SMAD3: variants seen among roughly 807,000 people sequenced by gnomAD.
SMAD3 encodes MAD homolog 3.
SMAD3 carries 12 observed loss-of-function variants against 51.8 expected under a neutral mutation model. The observed-to-expected ratio is 0.23, with a 90% CI of 0.15 to 0.38. The LOEUF (loss-of-function observed/expected upper bound fraction) is 0.38. SMAD3 is among the 10% of genes least tolerant of loss of function. The pLI, the probability that SMAD3 is intolerant of heterozygous loss-of-function variation, is 1.00. For missense variants in SMAD3, 294 were observed against 565.6 expected, an observed-to-expected ratio of 0.52 and a Z score of 4.87; for synonymous variants, 238 against 227.7, an observed-to-expected ratio of 1.05 and a Z score of -0.41.
chr15:67,089,247 A>T (rs140497934), intron 1 of SMAD3, among the ~76,000 whole-genome samples: 9 of 152,324 alleles, frequency 5.9e-5, no homozygotes, highest in Non-Finnish European at 1.2e-4. Context: ...TCTGCCTGCC[A>T]GATGACCCTT....
At chr15:67,166,266 GA>G (rs1962586319) in intron 3 of SMAD3, 1 of 652,238 alleles carries the variant, frequency 1.5e-6, no homozygotes, top group African/African-American at 1.9e-5. Context: ...AGGTTTCAGA[GA>G]AATAGATCAC....
At chr15:67,088,271 C>T (rs12907997) in intron 1 of SMAD3, among the ~76,000 whole-genome samples, 65,532 of 151,984 alleles carry the variant, frequency 0.43, 14,918 homozygotes, top group South Asian at 0.65. Context: ...ACGGCTTTCC[C>T]GATAGACTTG....
intron 1 of SMAD3, among the ~76,000 whole-genome samples, chr15:67,159,383 G>A (rs10152987): frequency 0.19 from 29,327 of 152,096 alleles, 3,525 homozygotes; most frequent in Non-Finnish European, 0.28. Flanking sequence ...TGTTTTAGAT[G>A]AAAAATATTA....
intron 1 of SMAD3, among the ~76,000 whole-genome samples, chr15:67,067,376 G>A (rs1270472930): frequency 6.6e-6 from 1 of 152,180 alleles, no homozygotes; most frequent in Non-Finnish European, 1.5e-5. Flanking sequence ...CTGGGAACTG[G>A]GGGTGCGGGT....
At chr15:67,103,533 T>G (rs1225276036) in intron 1 of SMAD3, among the ~76,000 whole-genome samples, 1 of 152,222 alleles carries the variant, frequency 6.6e-6, no homozygotes, top group African/African-American at 2.4e-5. Context: ...GGGTAGGCGC[T>G]GTGCTGGTGT....
intron 1 of SMAD3, among the ~76,000 whole-genome samples, chr15:67,091,381 C>T (rs1370343970): frequency 6.6e-6 from 1 of 152,184 alleles, no homozygotes; most frequent in Non-Finnish European, 1.5e-5. Flanking sequence ...CCTGCCCTTC[C>T]GCAGTGGCTA....
intron 1 of SMAD3, chr15:67,126,002 TG>T (rs879376221): frequency 4.1e-6 from 4 of 984,860 alleles, no homozygotes; most frequent in Non-Finnish European, 4.8e-6. Flanking sequence ...TTATCTTATT[TG>T]GCAGGGTGGG....
chr15:67,090,506 T>G (rs141177232), intron 1 of SMAD3, among the ~76,000 whole-genome samples: 2,241 of 152,030 alleles, frequency 0.015, 30 homozygotes, highest in Non-Finnish European at 0.022. Flanking sequence ...GCGCAAGTCA[T>G]TTGTTGGGAA....
rs896980550 is a variant in SMAD3 at position 67,066,135 on chromosome 15, C to A, written c.-20C>A. On this transcript the variant is annotated 5_prime_UTR_variant, in exon 1 of 9. Coordinates refer to ENST00000327367, the MANE Select transcript of SMAD3 (RefSeq NM_005902.4). ...GCCCCGCCGGGGGCGCTCCTCGCCG[C>A]CCGCGCGCCCTCCCCAGCCATGTCG... 1.3e-6 allele frequency: 2 copies of A among 1,562,276 alleles called. No individual in the cohort carries two copies. Among genetic ancestry groups the A allele is most frequent in the Admixed American group, 1.9e-5 (1 of 53,110 alleles).
chr15:67,139,162 C>T (rs1418881903), intron 1 of SMAD3, among the ~76,000 whole-genome samples: 1 of 152,182 alleles, frequency 6.6e-6, no homozygotes. Flanking sequence ...GTTCTGTGCT[C>T]ACTGTGGAAA....
chr15:67,147,135 T>C (rs536368526), intron 1 of SMAD3, among the ~76,000 whole-genome samples: 1 of 152,176 alleles, frequency 6.6e-6, no homozygotes, highest in East Asian at 1.9e-4. Flanking sequence ...GCCCCAGTGA[T>C]GTGTGGTGTT....
At chr15:67,123,425 G>C (rs1206285310) in intron 1 of SMAD3, among the ~76,000 whole-genome samples, 1 of 152,210 alleles carries the variant, frequency 6.6e-6, no homozygotes, top group Non-Finnish European at 1.5e-5. Flanking sequence ...CTTGAACCCA[G>C]GAGGAGGAGT....
At chr15:67,099,279 A>G (rs1266082206) in intron 1 of SMAD3, among the ~76,000 whole-genome samples, 2 of 152,208 alleles carry the variant, frequency 1.3e-5, no homozygotes, top group East Asian at 3.8e-4. Context: ...CTGTCCTCCA[A>G]AGTTGGAGCC....
At chr15:67,104,088 C>A (rs995583672) in intron 1 of SMAD3, among the ~76,000 whole-genome samples, 1 of 152,154 alleles carries the variant, frequency 6.6e-6, no homozygotes, top group Non-Finnish European at 1.5e-5. Flanking sequence ...GTTGTGGCAG[C>A]GCTCAAAGGC....
chr15:67,130,589 C>T (rs1961501025), intron 1 of SMAD3, among the ~76,000 whole-genome samples: 1 of 152,086 alleles, frequency 6.6e-6, no homozygotes. Flanking sequence ...CCTGAAACAT[C>T]CCCCCCAACC....
At chr15:67,131,194 C>T (rs549475341) in intron 1 of SMAD3, among the ~76,000 whole-genome samples, 16 of 152,308 alleles carry the variant, frequency 1.1e-4, no homozygotes, top group African/African-American at 2.9e-4. Flanking sequence ...CCCGCGGCTT[C>T]GCATGTGTAA....
In SMAD3 at chr15:67,194,861, A is replaced by G. The variant is rs1963462031; in HGVS notation, c.*4325A>G. The G allele has an allele frequency of 4.3e-6, 1 of 233,358 alleles. No homozygotes were observed. The highest frequency in any genetic ancestry group is 2.2e-5 in the African/African-American group (1 of 45,340). 14.5% of individuals were successfully genotyped at this position (233,358 alleles called of 1,614,324 possible). On this transcript the variant is annotated 3_prime_UTR_variant, in exon 9 of 9. Coordinates refer to ENST00000327367, the MANE Select transcript of SMAD3 (RefSeq NM_005902.4). ...GCATTACAGAGAGATGGAGCCATCT[A>G]TCCAAGAAGCCTTCACTCACCTTCA... is the stretch of plus-strand genomic sequence containing the variant.
chr15:67,113,096 T>TA lies in SMAD3; in HGVS notation c.206+46736_206+46737insA, dbSNP rs58255931. ...TATGTGTATATATATATATATATAT[T>TA]TTTTTGAGACAGAGTCTTGCTCTGT... On this transcript the variant is annotated intron_variant, in intron 1 of 8. Coordinates refer to ENST00000327367, the MANE Select transcript of SMAD3 (RefSeq NM_005902.4). 9.7e-4 allele frequency among the ~76,000 whole-genome samples: 84 copies of TA among 86,886 alleles called. 20 individuals carry two copies. In the East Asian group the frequency reaches 0.022, roughly 22 times the overall value. 57.0% of individuals were successfully genotyped at this position (86,886 alleles called of 152,430 possible). A position where few individuals can be genotyped will look rare whatever the true frequency, so the allele number is the denominator to read the frequency against.
At chr15:67,172,207 C>T (rs34708051) in intron 5 of SMAD3, among the ~76,000 whole-genome samples, 39,951 of 151,804 alleles carry the variant, frequency 0.26, 5,415 homozygotes, top group East Asian at 0.4. Flanking sequence ...ATTCTCCCTC[C>T]CTACTGCCCC....
Sources: allele counts gnomAD v4.1 joint callset (sites outside exome capture counted in the v4.1 genomes callset), GRCh38; gene constraint gnomAD v4.1.1; transcripts MANE v1.5; gene names NCBI Gene and HGNC (gene_info 2026-07-23, HGNC 2026-07-21).